LCMT1: variants seen among roughly 807,000 people sequenced by gnomAD.
LCMT1 encodes the protein [Phosphatase 2A protein]-leucine-carboxy methyltransferase 1.
LCMT1 carries 32 observed loss-of-function variants against 47.7 expected under a neutral mutation model. That is an observed-to-expected ratio of 0.67 (90% CI 0.51 to 0.90). The LOEUF (loss-of-function observed/expected upper bound fraction) is 0.90, where lower values mean the gene tolerates loss of function less well. LCMT1 is among the 40% of genes least tolerant of loss of function. The pLI is 0.00. For synonymous variants in LCMT1, 152 were observed against 149.7 expected (o/e 1.02, Z -0.11); for missense variants, 375 against 415.2 (o/e 0.90, Z 0.84).
chr16:25,155,028 T>G (rs1267427860), intron 5 of LCMT1, among the ~76,000 whole-genome samples: 1 of 152,216 alleles, frequency 6.6e-6, no homozygotes, highest in Non-Finnish European at 1.5e-5. Context: ...AAAAATGACC[T>G]TGTTTTATCA....
chr16:25,167,322 CTT>C (rs1399385044), intron 7 of LCMT1, among the ~76,000 whole-genome samples: 6 of 144,460 alleles, frequency 4.2e-5, no homozygotes, highest in Non-Finnish European at 6.1e-5. Flanking sequence ...TTTTTTTGGT[CTT>C]TTTTTTTTTT....
chr16:25,113,890 T>G (rs1352914858), intron 1 of LCMT1, among the ~76,000 whole-genome samples: 1 of 152,188 alleles, frequency 6.6e-6, no homozygotes, highest in Non-Finnish European at 1.5e-5. Flanking sequence ...CTCGCCTTGG[T>G]CTCCCAAAGT....
At chr16:25,155,198 T>G (rs1961215919) in intron 5 of LCMT1, among the ~76,000 whole-genome samples, 1 of 152,176 alleles carries the variant, frequency 6.6e-6, no homozygotes, top group Non-Finnish European at 1.5e-5. Context: ...TGATGATGTT[T>G]TTTTTTAAGC....
At chr16:25,175,581 G>A (rs1460798320) in intron 10 of LCMT1, among the ~76,000 whole-genome samples, 3 of 151,998 alleles carry the variant, frequency 2.0e-5, no homozygotes, top group South Asian at 2.1e-4. Context: ...GCAGTGAGCC[G>A]AGACTGCACC....
chr16:25,143,131 A>G (rs957765943), intron 4 of LCMT1: 2 of 152,132 alleles, frequency 1.3e-5, no homozygotes, highest in Non-Finnish European at 2.9e-5. Flanking sequence ...TTCTGAAGTC[A>G]CCTTTTGAAT....
intron 5 of LCMT1, chr16:25,160,754 T>C (rs750546720): frequency 5.3e-5 from 28 of 529,710 alleles, no homozygotes; most frequent in Admixed American, 3.7e-4. Flanking sequence ...CCTGATGCTG[T>C]TGTTACGTAG....
chr16:25,121,947 G>T (rs1960003169), intron 1 of LCMT1, among the ~76,000 whole-genome samples: 1 of 152,178 alleles, frequency 6.6e-6, no homozygotes, highest in Admixed American at 6.5e-5. Flanking sequence ...ACAGTGTTCT[G>T]CAGTTTCGTA....
At chr16:25,122,169 T>C (rs1264326686) in intron 1 of LCMT1, among the ~76,000 whole-genome samples, 7 of 152,238 alleles carry the variant, frequency 4.6e-5, no homozygotes, top group African/African-American at 1.7e-4. Flanking sequence ...AGTCTGTCTC[T>C]TTCCTTGTTT....
At chr16:25,152,985 A>T (rs1295501312) in intron 5 of LCMT1, among the ~76,000 whole-genome samples, 1 of 152,196 alleles carries the variant, frequency 6.6e-6, no homozygotes, top group Non-Finnish European at 1.5e-5. Context: ...GAGATCGTGC[A>T]GAGAGGACAG....
intron 9 of LCMT1, among the ~76,000 whole-genome samples, chr16:25,173,988 T>G (rs1029836705): frequency 1.3e-5 from 2 of 152,270 alleles, no homozygotes; most frequent in South Asian, 2.1e-4. Context: ...CTCTGCTTAC[T>G]GCAACCTCCG....
At chr16:25,166,161 T>C (rs1183072078) in intron 7 of LCMT1, among the ~76,000 whole-genome samples, 7 of 151,554 alleles carry the variant, frequency 4.6e-5, no homozygotes, top group Non-Finnish European at 1.0e-4. Flanking sequence ...TCCCAGCTAC[T>C]TGGGAGGCTG....
At position 25,178,209 on chromosome 16, in the gene LCMT1, A is replaced by G. The variant is rs928396566; in HGVS notation, c.*186A>G. ...TTCCTGTTGACATGTCGTTGTTTAA[A>G]TAAATCTCACTTGCCACCAGTCGCC... On this transcript the variant is annotated 3_prime_UTR_variant, in exon 11 of 11. Transcript: ENST00000399069. The G allele has an allele frequency of 6.9e-6, 4 of 579,214 alleles. No individual in the cohort carries two copies. Among genetic ancestry groups the G allele is most frequent in the African/African-American group, 5.8e-5 (3 of 51,962 alleles). 35.9% of individuals were successfully genotyped at this position (579,214 alleles called of 1,614,324 possible).
chr16:25,146,043 T>G (rs1960839503), intron 4 of LCMT1: 1 of 152,114 alleles, frequency 6.6e-6, no homozygotes, highest in Non-Finnish European at 1.5e-5. Context: ...TACCCAGCAA[T>G]GGAGTAGGAC....
chr16:25,135,425 T>C (rs756372391), intron 3 of LCMT1, among the ~76,000 whole-genome samples: 1 of 152,164 alleles, frequency 6.6e-6, no homozygotes, highest in South Asian at 2.1e-4. Context: ...CCCATTTGTT[T>C]GCATATTGTG....
chr16:25,113,952 A>C (rs7188505), intron 1 of LCMT1, among the ~76,000 whole-genome samples: 2,419 of 152,316 alleles, frequency 0.016, 73 homozygotes, highest in African/African-American at 0.055. Context: ...TTTCATTTTT[A>C]AAACAGTGAT....
At chr16:25,170,606 G>A in intron 8 of LCMT1, 108 bp from the exon 9 acceptor site, 8 of 861,582 alleles carry the variant, frequency 9.3e-6, no homozygotes, top group South Asian at 1.6e-5. Context: ...CTTCAGCCTG[G>A]GCAACAGAAT....
chr16:25,120,744 TTTTTTTTG>T (rs1959953709), intron 1 of LCMT1, among the ~76,000 whole-genome samples: 4 of 146,086 alleles, frequency 2.7e-5, no homozygotes, highest in African/African-American at 1.0e-4. Context: ...TTTTTGTTTT[TTTTTTTTG>T]TTTTTTTTTT....
intron 5 of LCMT1, among the ~76,000 whole-genome samples, chr16:25,156,824 T>C (rs954434194): frequency 2.6e-5 from 4 of 152,178 alleles, no homozygotes; most frequent in Admixed American, 2.0e-4. Flanking sequence ...CATGTCTTCT[T>C]GTTCATCAGT....
Position 25,128,646 on chromosome 16 carries a change from G to A in LCMT1, c.205+80G>A, listed in dbSNP as rs1402095707. 3 of 1,056,942 alleles carry A rather than the reference G, an allele frequency of 2.8e-6. No individual in the cohort carries two copies. The African/African-American group carries it at 4.7e-5, about 17-fold the overall frequency. 65.5% of individuals were successfully genotyped at this position (1,056,942 alleles called of 1,614,324 possible). ...GGGTTCATTCTTGAAGGAAGTCGTG[G>A]TGTGCTCCCTTTCCAGCTGTGCGCA... On this transcript the variant is annotated intron_variant, in intron 2 of 10. Transcript: ENST00000399069.
Sources: allele counts gnomAD v4.1 joint callset (sites outside exome capture counted in the v4.1 genomes callset), GRCh38; gene constraint gnomAD v4.1.1; transcripts MANE v1.5; gene names NCBI Gene and HGNC (gene_info 2026-07-23, HGNC 2026-07-21).